Variants in MYO16 observed in about 807,000 individuals in gnomAD.
MYO16 encodes the protein unconventional myosin-XVI.
In MYO16, 94 loss-of-function variants were observed where a neutral mutation model predicts 205.3. The observed-to-expected ratio is 0.46, with a 90% CI of 0.39 to 0.54. The LOEUF is 0.54. Ranked by LOEUF, MYO16 falls within the 20% of genes least tolerant of loss-of-function variation. MYO16 has a pLI of 0.00. For missense variants in MYO16, 2,315 were observed against 2,387.5 expected (o/e 0.97, Z 0.63); for synonymous variants, 988 against 954.0 (o/e 1.04, Z -0.66).
the MYO16 span, among the ~76,000 whole-genome samples, chr13:108,538,704 T>G: frequency 6.6e-6 from 1 of 152,080 alleles, no homozygotes; most frequent in Non-Finnish European, 1.5e-5. Flanking sequence ...CTCTGAAATA[T>G]TAGACAACAG....
chr13:108,762,184 T>C (rs1885631606), intron 4 of MYO16, among the ~76,000 whole-genome samples: 1 of 152,214 alleles, frequency 6.6e-6, no homozygotes, highest in Non-Finnish European at 1.5e-5. Context: ...TTCATTCTTT[T>C]TGTGGCTAAG....
intron 16 of MYO16, among the ~76,000 whole-genome samples, chr13:108,936,460 A>G (rs975342984): frequency 6.6e-6 from 1 of 151,956 alleles, no homozygotes; most frequent in African/African-American, 2.4e-5. Flanking sequence ...GGGTGATTCT[A>G]TGTTTCCAAG....
intron 24 of MYO16, chr13:109,048,958 G>T: frequency 2.5e-5 from 2 of 79,838 alleles, no homozygotes; most frequent in African/African-American, 4.8e-5. Context: ...CACTCAAAAG[G>T]AGGCAGAAAA....
chr13:108,790,676 A>G (rs1179032694), intron 5 of MYO16, among the ~76,000 whole-genome samples: 2 of 152,168 alleles, frequency 1.3e-5, no homozygotes, highest in Non-Finnish European at 2.9e-5. Flanking sequence ...GATTTGGGCT[A>G]CTTTCCTGAA....
chr13:108,499,788 T>C, the MYO16 span, among the ~76,000 whole-genome samples: 1 of 152,210 alleles, frequency 6.6e-6, no homozygotes, highest in Non-Finnish European at 1.5e-5. Context: ...TATAATTATG[T>C]TTCTAAAAAT....
intron 16 of MYO16, among the ~76,000 whole-genome samples, chr13:108,913,828 C>T (rs1396623500): frequency 6.6e-6 from 1 of 152,188 alleles, no homozygotes; most frequent in Non-Finnish European, 1.5e-5. Flanking sequence ...TGAGTCTTGG[C>T]CAATCCCAGC....
chr13:109,204,452 C>A (rs1221025740), intron 34 of MYO16, among the ~76,000 whole-genome samples: 1 of 152,128 alleles, frequency 6.6e-6, no homozygotes, highest in East Asian at 1.9e-4. Context: ...ACAGCACACA[C>A]TGGTGGAGGA....
intron 4 of MYO16, among the ~76,000 whole-genome samples, chr13:108,739,008 C>T (rs1884803685): frequency 6.6e-6 from 1 of 152,156 alleles, no homozygotes; most frequent in Admixed American, 6.5e-5. Flanking sequence ...TCCTCCATCC[C>T]TTTGTTTTGA....
intron 2 of MYO16, among the ~76,000 whole-genome samples, chr13:108,704,949 A>ACC (rs1491456178): frequency 2.0e-5 from 3 of 150,098 alleles, no homozygotes; most frequent in Admixed American, 6.6e-5. Flanking sequence ...AAAAAAAAAA[A>ACC]CAAAAAAAAA....
At chr13:108,891,184 A>G (rs989969889) in intron 14 of MYO16, among the ~76,000 whole-genome samples, 5 of 152,228 alleles carry the variant, frequency 3.3e-5, no homozygotes, top group Non-Finnish European at 7.3e-5. Flanking sequence ...AATGTGGACA[A>G]CCCATTTGTA....
intron 31 of MYO16, among the ~76,000 whole-genome samples, chr13:109,129,815 A>G (rs955789851): frequency 2.6e-5 from 4 of 152,178 alleles, no homozygotes; most frequent in Non-Finnish European, 5.9e-5. Context: ...AGAAAGTTGC[A>G]TAAATAGGCT....
intron 27 of MYO16, among the ~76,000 whole-genome samples, chr13:109,064,604 T>A: frequency 6.6e-6 from 1 of 152,296 alleles, no homozygotes; most frequent in South Asian, 2.1e-4. Flanking sequence ...CAATCTTTGT[T>A]GTTATTATTA....
intron 1 of MYO16, among the ~76,000 whole-genome samples, chr13:108,637,351 G>A (rs7319108): frequency 0.37 from 56,300 of 151,920 alleles, 10,879 homozygotes; most frequent in African/African-American, 0.5. Context: ...TTGTTTGGTG[G>A]ATGGGAAAGG....
intron 9 of MYO16, among the ~76,000 whole-genome samples, chr13:108,825,785 C>T (rs983356922): frequency 2.0e-5 from 3 of 151,772 alleles, no homozygotes; most frequent in African/African-American, 7.3e-5. Flanking sequence ...TTTCTATACA[C>T]AGCAATTCAT....
At chr13:108,544,350 TA>T in the MYO16 span, among the ~76,000 whole-genome samples, 1 of 152,192 alleles carries the variant, frequency 6.6e-6, no homozygotes, top group African/African-American at 2.4e-5. Flanking sequence ...AGCCATATTT[TA>T]CTTTTGTATT....
the MYO16 span, among the ~76,000 whole-genome samples, chr13:108,500,420 G>GGCCA: frequency 6.6e-6 from 1 of 150,894 alleles, no homozygotes; most frequent in Non-Finnish European, 1.5e-5. Context: ...AGTAGAGATG[G>GGCCA]GGTTTCACTG....
At chr13:109,147,014 C>T (rs74717307) in intron 32 of MYO16, among the ~76,000 whole-genome samples, 2,520 of 152,012 alleles carry the variant, frequency 0.017, 68 homozygotes, top group African/African-American at 0.056. Context: ...TCAGTCTTCA[C>T]GAGCATGAAG....
At chr13:108,877,010 G>T (rs1879361715) in intron 12 of MYO16, among the ~76,000 whole-genome samples, 1 of 152,000 alleles carries the variant, frequency 6.6e-6, no homozygotes, top group African/African-American at 2.4e-5. Context: ...CAGCCCTCAC[G>T]CTTTCAAAAA....
chr13:108,675,640 G>A (rs1296286305), intron 2 of MYO16, among the ~76,000 whole-genome samples: 1 of 152,196 alleles, frequency 6.6e-6, no homozygotes, highest in East Asian at 1.9e-4. Flanking sequence ...TCACTGGGGT[G>A]AGGTAGGATG....
Sources: gnomAD v4.1 joint callset for allele counts (sites outside exome capture counted in the v4.1 genomes callset) on GRCh38, gnomAD v4.1.1 for gene constraint, MANE v1.5 for transcripts, NCBI Gene and HGNC (gene_info 2026-07-23, HGNC 2026-07-21) for gene names.